The following COL11A1 variants were observed in gnomAD, a reference collection of about 807,000 sequenced individuals.
COL11A1 encodes the protein collagen type XI alpha 1 chain, also known as collagen alpha-1(XI) chain.
Under a neutral mutation model 265.2 loss-of-function variants are expected in COL11A1, and 74 were observed. That is an observed-to-expected ratio of 0.28 (90% CI 0.23 to 0.34). The LOEUF (loss-of-function observed/expected upper bound fraction) is 0.34. COL11A1 is among the 10% of genes least tolerant of loss of function. The pLI is 1.00. For missense variants in COL11A1, 2,165 were observed against 2,263.6 expected (o/e 0.96, Z 0.88); for synonymous variants, 816 against 727.6 (o/e 1.12, Z -1.96).
chr1:103,048,758 A>C (rs1312090866), intron 4 of COL11A1, among the ~76,000 whole-genome samples: 2 of 152,096 alleles, frequency 1.3e-5, no homozygotes, highest in East Asian at 3.9e-4. Flanking sequence ...TTCCCTCTAC[A>C]CACTGCTTTG....
In COL11A1 at chr1:103,078,854, CT is replaced by C; in HGVS notation, c.291del (p.Asp98ThrfsTer8). The C allele has an allele frequency of 6.2e-7, 1 of 1,609,548 alleles. No homozygotes were observed. Among genetic ancestry groups the C allele is most frequent in the East Asian group, 2.2e-5 (1 of 44,792 alleles). ...KQLFPGGTFPEDFSILFTVKP... is the reference protein window; with the variant it reads ...KQLFPGGTFPXDFSILFTVKP... The stretch of plus-strand genomic sequence containing the variant: ...TTTACTGTAAATAGTATTGAAAAGT[CT>C]TCTGGGAAAGTTCCACCTGAGAAGA... On this transcript the variant is annotated frameshift_variant, in exon 3 of 67. Transcript: ENST00000370096. LOFTEE classifies it high-confidence loss of function.
rs1655986491 is a variant in COL11A1 at position 102,921,497 on chromosome 1, CAT to C, written c.3708+19_3708+20del. 1 of 1,586,992 alleles carries C rather than the reference CAT, an allele frequency of 6.3e-7. No homozygotes were observed. Among genetic ancestry groups the C allele is most frequent in the Non-Finnish European group, 8.7e-7 (1 of 1,156,030 alleles). On this transcript the variant is annotated intron_variant, in intron 48 of 66. Transcript: ENST00000370096. ...ACCTATATAACTTCAAAATAATTAA[CAT>C]ATATTTCAGAGTTCTTACATCAGCT...
At chr1:102,896,329 G>A in intron 57 of COL11A1, among the ~76,000 whole-genome samples, 1 of 151,980 alleles carries the variant, frequency 6.6e-6, no homozygotes, top group South Asian at 2.1e-4. Flanking sequence ...ACCATAATAA[G>A]TTACTTCTCA....
chr1:103,002,077 T>C, intron 23 of COL11A1, 108 bp from the exon 24 acceptor site: 1 of 941,730 alleles, frequency 1.1e-6, no homozygotes, highest in Non-Finnish European at 1.7e-6. Context: ...TATAAGAATC[T>C]GTATATATTC....
chr1:102,912,021 A>T (rs1654743287), intron 54 of COL11A1, 138 bp downstream of exon 54: 3 of 725,054 alleles, frequency 4.1e-6, no homozygotes, highest in Admixed American at 2.9e-5. Context: ...TATTTGGCAC[A>T]TTTAAAAATT....
chr1:103,076,923 A>C (rs1672016820), intron 3 of COL11A1, among the ~76,000 whole-genome samples: 2 of 152,240 alleles, frequency 1.3e-5, no homozygotes, highest in Non-Finnish European at 2.9e-5. Context: ...TTGTTCTTTA[A>C]AAACATCACA....
At chr1:103,091,452 G>A (rs1414287754) in intron 1 of COL11A1, among the ~76,000 whole-genome samples, 1 of 152,012 alleles carries the variant, frequency 6.6e-6, no homozygotes, top group Non-Finnish European at 1.5e-5. Context: ...GAAATTACCA[G>A]ATGTTTGACT....
Position 102,921,428 on chromosome 1 carries a change from A to T in COL11A1, c.3708+90T>A, listed in dbSNP as rs1295999446. ...CCACTTAATATTAAACAATAGTTTA[A>T]TATTGTTATAACTCACAAAGAGCAT... On this transcript the variant is annotated intron_variant, in intron 48 of 66. Transcript: ENST00000370096. 1.2e-5 allele frequency: 13 copies of T among 1,052,026 alleles called. No homozygotes were observed. The South Asian group carries it at 1.8e-4, about 15-fold the overall frequency. 65.2% of individuals were successfully genotyped at this position (1,052,026 alleles called of 1,614,324 possible).
intron 31 of COL11A1, among the ~76,000 whole-genome samples, chr1:102,979,948 C>G (rs995249496): frequency 1.8e-4 from 28 of 152,106 alleles, no homozygotes; most frequent in African/African-American, 6.8e-4. Context: ...CCTTCCTCCA[C>G]TTTTTCGATT....
At chr1:103,042,427 AC>A (rs1668883730) in intron 4 of COL11A1, among the ~76,000 whole-genome samples, 1 of 152,074 alleles carries the variant, frequency 6.6e-6, no homozygotes, top group Non-Finnish European at 1.5e-5. Flanking sequence ...ATAAAGGAAT[AC>A]TTGTTATTCA....
intron 4 of COL11A1, among the ~76,000 whole-genome samples, chr1:103,038,287 AC>A (rs1557980596): frequency 6.6e-6 from 1 of 152,058 alleles, no homozygotes; most frequent in Non-Finnish European, 1.5e-5. Context: ...ACATGGTGAA[AC>A]CCATTCTCCA....
chr1:103,091,801 G>A (rs538231939), intron 1 of COL11A1, among the ~76,000 whole-genome samples: 1 of 152,062 alleles, frequency 6.6e-6, no homozygotes, highest in African/African-American at 2.4e-5. Context: ...GAAAAAAACT[G>A]CGTATTTCAT....
intron 4 of COL11A1, among the ~76,000 whole-genome samples, chr1:103,049,426 G>C (rs1169714042): frequency 2.6e-5 from 4 of 152,104 alleles, no homozygotes; most frequent in African/African-American, 9.7e-5. Context: ...TGCAACCCCT[G>C]CCTTTTTCTG....
intron 4 of COL11A1, among the ~76,000 whole-genome samples, chr1:103,072,071 A>G (rs1671635011): frequency 6.6e-6 from 1 of 151,838 alleles, no homozygotes; most frequent in African/African-American, 2.4e-5. Context: ...CCCCAAATCA[A>G]TTCATATACT....
At chr1:103,093,324 T>G (rs1316340000) in intron 1 of COL11A1, among the ~76,000 whole-genome samples, 2 of 152,032 alleles carry the variant, frequency 1.3e-5, no homozygotes, top group African/African-American at 4.8e-5. Flanking sequence ...GAAGCACCTT[T>G]CGTTGATGAA....
intron 53 of COL11A1, among the ~76,000 whole-genome samples, chr1:102,912,951 T>C (rs1207447429): frequency 6.6e-6 from 1 of 152,204 alleles, no homozygotes; most frequent in Non-Finnish European, 1.5e-5. Context: ...ATTAAACCTC[T>C]TTCCATTATA....
intron 4 of COL11A1, among the ~76,000 whole-genome samples, chr1:103,053,277 T>G (rs945805882): frequency 5.3e-5 from 8 of 152,186 alleles, no homozygotes; most frequent in Non-Finnish European, 2.9e-5. Context: ...GAAACAGTTT[T>G]AGCCACAAAT....
At chr1:102,992,483 AT>A (rs1388105877) in intron 28 of COL11A1, among the ~76,000 whole-genome samples, 1 of 151,952 alleles carries the variant, frequency 6.6e-6, no homozygotes, top group African/African-American at 2.4e-5. Flanking sequence ...AATATTTTCC[AT>A]TTTCTTCTAT....
chr1:102,998,319 A>T lies in COL11A1; in HGVS notation c.2187T>A (p.Asp729Glu), dbSNP rs754657948. ...KPGLAGLPGA[D>E]GPPGHPGKEG... ...GGTAGCTGTTACTTACAGGAGGCCC[A>T]TCAGCACCAGGAAGTCCAGCAAGTC... The change falls in exon 25 of 67, where the codon GAT (aspartate) becomes GAA (glutamate). Residue 729 changes from aspartate to glutamate, a missense_variant. Transcript: ENST00000370096. 1.3e-5 allele frequency: 21 copies of T among 1,607,092 alleles called. No homozygotes were observed. The East Asian group carries it at 4.7e-4, about 36-fold the overall frequency.
Sources: gnomAD v4.1 joint callset for allele counts (sites outside exome capture counted in the v4.1 genomes callset) on GRCh38, gnomAD v4.1.1 for gene constraint, MANE v1.5 for transcripts, NCBI Gene and HGNC (gene_info 2026-07-23, HGNC 2026-07-21) for gene names.